The following C3orf70 variants were observed in gnomAD, a reference collection of about 807,000 sequenced individuals.
The protein encoded by C3orf70 is chromosome 3 open reading frame 70, also known as UPF0524 protein C3orf70.
Under a neutral mutation model 20.7 loss-of-function variants are expected in C3orf70, and 15 were observed. The observed-to-expected ratio is 0.72, with a 90% CI of 0.48 to 1.11. C3orf70 has a LOEUF of 1.11. Among genes scored for constraint, C3orf70 ranks in the 50% most tolerant of loss-of-function variants. C3orf70 has a pLI of 0.00. For missense variants in C3orf70, 332 were observed against 317.6 expected (o/e 1.05, Z -0.34); for synonymous variants, 161 against 125.7 (o/e 1.28, Z -1.88).
chr3:185,093,859 C>T (rs1715643742), intron 1 of C3orf70, among the ~76,000 whole-genome samples: 2 of 151,940 alleles, frequency 1.3e-5, no homozygotes, highest in African/African-American at 4.8e-5. Flanking sequence ...AGACCAGTCT[C>T]TTTACCTAGA....
intron 1 of C3orf70, among the ~76,000 whole-genome samples, chr3:185,096,279 G>A (rs908241747): frequency 6.6e-6 from 1 of 152,160 alleles, no homozygotes; most frequent in African/African-American, 2.4e-5. Flanking sequence ...TAACTAGTGT[G>A]TCTACTTCAT....
At chr3:185,091,390 G>T (rs1012778931) in intron 1 of C3orf70, among the ~76,000 whole-genome samples, 1 of 152,124 alleles carries the variant, frequency 6.6e-6, no homozygotes. Context: ...TAAGCCAAGG[G>T]GTTCAGATTT....
intron 1 of C3orf70, among the ~76,000 whole-genome samples, chr3:185,125,495 C>A (rs1716392429): frequency 6.6e-6 from 1 of 152,116 alleles, no homozygotes; most frequent in Non-Finnish European, 1.5e-5. Context: ...AGTCCCCATT[C>A]CTAGGCATTT....
chr3:185,098,948 A>G (rs1715765755), intron 1 of C3orf70, among the ~76,000 whole-genome samples: 1 of 152,176 alleles, frequency 6.6e-6, no homozygotes, highest in African/African-American at 2.4e-5. Context: ...CACACTGCAG[A>G]TTTGGACTTA....
At position 185,079,562 on chromosome 3, in the gene C3orf70, T is replaced by C. The variant is rs1296703442; in HGVS notation, c.*3445A>G. On this transcript the variant is annotated 3_prime_UTR_variant, in exon 2 of 2. Coordinates refer to ENST00000335012, the MANE Select transcript of C3orf70 (RefSeq NM_001025266.3). ...CCTTATTTTTTAATATACCAAACAGTTGTAACCACAAAAGCACTGTAATCA... is the reference window on the plus strand; with the variant it reads ...CCTTATTTTTTAATATACCAAACAGCTGTAACCACAAAAGCACTGTAATCA... 5.9e-5 allele frequency: 9 copies of C among 152,206 alleles called. No homozygotes were observed. The highest frequency in any genetic ancestry group is 5.2e-4 in the Admixed American group (8 of 15,278). 9.4% of individuals were successfully genotyped at this position (152,206 alleles called of 1,614,324 possible). A position where few individuals can be genotyped will look rare whatever the true frequency, so the allele number is the denominator to read the frequency against.
chr3:185,105,511 CAGTTA>C (rs1292345509), intron 1 of C3orf70, among the ~76,000 whole-genome samples: 1 of 152,212 alleles, frequency 6.6e-6, no homozygotes, highest in Non-Finnish European at 1.5e-5. Context: ...GGGATACTTT[CAGTTA>C]AGTTAATATC....
intron 1 of C3orf70, among the ~76,000 whole-genome samples, chr3:185,098,890 G>A (rs372945074): frequency 4.6e-5 from 7 of 152,266 alleles, no homozygotes; most frequent in African/African-American, 9.6e-5. Context: ...TCCCGTGGGC[G>A]TCATCCACAC....
chr3:185,147,697 G>A lies in C3orf70; in HGVS notation c.196+4931C>T, dbSNP rs531403291. On this transcript the variant is annotated intron_variant, in intron 1 of 1. Transcript: ENST00000335012. ...TGCTCAGCATAATAAGCTTATTCTG[G>A]TACAAAGTAATCACTCAGTAAATAT... Among the ~76,000 whole-genome samples the A allele has an allele frequency of 3.8e-4, 58 of 152,268 alleles. No individual in the cohort carries two copies. The South Asian group carries it at 0.012, about 32-fold the overall frequency.
At chr3:185,091,957 ATATATATTTTTT>A (rs1561331094) in intron 1 of C3orf70, among the ~76,000 whole-genome samples, 9 of 7,050 alleles carry the variant, frequency 1.3e-3, no homozygotes, top group East Asian at 7.9e-3. Flanking sequence ...ATATATATAT[ATATATATTTTTT>A]TTTTTTTTTA....
chr3:185,084,193 AC>A (rs201493675), intron 1 of C3orf70, among the ~76,000 whole-genome samples: 1,967 of 150,458 alleles, frequency 0.013, 44 homozygotes, highest in African/African-American at 0.041. Context: ...AAAAAAAAAA[AC>A]AACCAAGTTG....
intron 1 of C3orf70, among the ~76,000 whole-genome samples, chr3:185,101,806 A>G (rs1046928600): frequency 1.3e-5 from 2 of 152,166 alleles, no homozygotes; most frequent in Non-Finnish European, 2.9e-5. Context: ...ACAATTCTAC[A>G]TGAGATTTGG....
At chr3:185,145,705 G>T (rs945681069) in intron 1 of C3orf70, among the ~76,000 whole-genome samples, 1 of 152,194 alleles carries the variant, frequency 6.6e-6, no homozygotes, top group African/African-American at 2.4e-5. Context: ...CAGGCAGCTA[G>T]GGGTACTACG....
At chr3:185,116,418 G>A (rs56382308) in intron 1 of C3orf70, among the ~76,000 whole-genome samples, 9,026 of 152,262 alleles carry the variant, frequency 0.059, 372 homozygotes, top group South Asian at 0.11. Flanking sequence ...ATTAACCAAA[G>A]GTAGTCTTAT....
At chr3:185,104,841 G>A (rs947144182) in intron 1 of C3orf70, among the ~76,000 whole-genome samples, 1 of 152,120 alleles carries the variant, frequency 6.6e-6, no homozygotes, top group African/African-American at 2.4e-5. Context: ...AGGAGGGAAA[G>A]GATCATGAAA....
At chr3:185,135,654 C>A (rs1716609438) in intron 1 of C3orf70, among the ~76,000 whole-genome samples, 6 of 152,180 alleles carry the variant, frequency 3.9e-5, no homozygotes, top group Admixed American at 3.9e-4. Context: ...ACTTGAAATG[C>A]TCCCAACATA....
At chr3:185,110,543 G>T (rs1281236937) in intron 1 of C3orf70, among the ~76,000 whole-genome samples, 1 of 150,678 alleles carries the variant, frequency 6.6e-6, no homozygotes. Flanking sequence ...CGTGTTAGGA[G>T]CAGGCCCCCC....
chr3:185,099,475 T>C (rs546233333), intron 1 of C3orf70, among the ~76,000 whole-genome samples: 22 of 152,256 alleles, frequency 1.4e-4, no homozygotes, highest in African/African-American at 5.1e-4. Flanking sequence ...AAACTAAGCT[T>C]CATAAGTGAA....
Position 185,148,558 on chromosome 3 carries a change from C to T in C3orf70, c.196+4070G>A, listed in dbSNP as rs538207858. On this transcript the variant is annotated intron_variant, in intron 1 of 1. Coordinates refer to ENST00000335012, the MANE Select transcript of C3orf70 (RefSeq NM_001025266.3). ...AAGTATTCTAAGTAGCCACAAAATTCTACTTTACAATACCTACATATGATT... is the reference window on the plus strand; with the variant it reads ...AAGTATTCTAAGTAGCCACAAAATTTTACTTTACAATACCTACATATGATT... Among the ~76,000 whole-genome samples, 13 of 152,298 alleles carry T rather than the reference C, an allele frequency of 8.5e-5. No individual in the cohort carries two copies. In the East Asian group the frequency reaches 2.3e-3, roughly 27 times the overall value.
chr3:185,135,267 T>A (rs1272931867), intron 1 of C3orf70, among the ~76,000 whole-genome samples: 1 of 152,044 alleles, frequency 6.6e-6, no homozygotes, highest in Non-Finnish European at 1.5e-5. Context: ...CAAACACACT[T>A]CAAGCAAATG....
Sources: gnomAD v4.1 joint callset for allele counts (sites outside exome capture counted in the v4.1 genomes callset) on GRCh38, gnomAD v4.1.1 for gene constraint, MANE v1.5 for transcripts, NCBI Gene and HGNC (gene_info 2026-07-23, HGNC 2026-07-21) for gene names.